The following CDK14 variants were observed in gnomAD, a reference collection of about 807,000 sequenced individuals.
The protein encoded by CDK14 is cyclin-dependent kinase 14.
In CDK14, 34 loss-of-function variants were observed where a neutral mutation model predicts 60.7. That is an observed-to-expected ratio of 0.56 (90% confidence interval 0.43 to 0.75). CDK14 has a LOEUF of 0.75. Among genes scored for constraint, CDK14 ranks in the 30% least tolerant of loss-of-function variants. The pLI is 0.00. For synonymous variants in CDK14, 197 were observed against 203.7 expected, an observed-to-expected ratio of 0.97 and a Z score of 0.28; for missense variants, 482 against 564.1, an observed-to-expected ratio of 0.85 and a Z score of 1.47.
chr7:90,947,131 G>A (rs1338550717), intron 8 of CDK14, among the ~76,000 whole-genome samples: 2 of 152,168 alleles, frequency 1.3e-5, no homozygotes, highest in East Asian at 1.9e-4. Context: ...TCTAGACAGC[G>A]TCAGTCATTC....
At chr7:90,978,289 G>T (rs76829651) in intron 9 of CDK14, among the ~76,000 whole-genome samples, 22,237 of 152,096 alleles carry the variant, frequency 0.15, 1,852 homozygotes, top group Middle Eastern at 0.28. Flanking sequence ...TCACTGCCTC[G>T]AGCCTCTACT....
intron 2 of CDK14, among the ~76,000 whole-genome samples, chr7:90,629,277 C>G (rs1219130103): frequency 6.6e-6 from 1 of 152,158 alleles, no homozygotes; most frequent in Admixed American, 6.6e-5. Flanking sequence ...ACCCCACCAT[C>G]TAAATTAGCA....
Position 90,658,083 on chromosome 7 carries a change from G to A in CDK14, c.123+53834G>A, listed in dbSNP as rs115688427. Among the ~76,000 whole-genome samples the A allele has an allele frequency of 3.6e-3, 545 of 152,182 alleles. 4 individuals are homozygous for A. Among genetic ancestry groups the A allele is most frequent in the African/African-American group, 0.012 (495 of 41,514 alleles). ...TTTCATCACCCTAAAATGAAACCCT[G>A]TGCCTGCTAGCAGTCACTGCTCCTC... On this transcript the variant is annotated intron_variant, in intron 2 of 14. Transcript: ENST00000380050.
chr7:90,886,432 A>G (rs1791948673), intron 6 of CDK14, among the ~76,000 whole-genome samples: 1 of 152,218 alleles, frequency 6.6e-6, no homozygotes, highest in South Asian at 2.1e-4. Flanking sequence ...AAATTTGAGC[A>G]CCAATAACTT....
At chr7:90,893,532 C>T (rs1350225935) in intron 6 of CDK14, among the ~76,000 whole-genome samples, 3 of 152,124 alleles carry the variant, frequency 2.0e-5, no homozygotes, top group African/African-American at 7.2e-5. Context: ...CCAGCAGTGC[C>T]TTTTGGCATC....
At chr7:91,106,220 A>G (rs556266628) in intron 12 of CDK14, among the ~76,000 whole-genome samples, 52 of 152,306 alleles carry the variant, frequency 3.4e-4, no homozygotes, top group African/African-American at 1.2e-3. Flanking sequence ...CAATTGCAGA[A>G]CTCTGAAGAG....
At chr7:90,635,122 A>G (rs1295081923) in intron 2 of CDK14, among the ~76,000 whole-genome samples, 5 of 151,958 alleles carry the variant, frequency 3.3e-5, no homozygotes, top group Non-Finnish European at 5.9e-5. Flanking sequence ...TGCTGTGCAG[A>G]AGCTCTTTAG....
At chr7:90,903,050 C>T (rs1310197471) in intron 7 of CDK14, among the ~76,000 whole-genome samples, 1 of 152,084 alleles carries the variant, frequency 6.6e-6, no homozygotes, top group East Asian at 1.9e-4. Flanking sequence ...CATCTTACCC[C>T]AGTTAGGATG....
chr7:90,915,047 C>A (rs1364159235), intron 7 of CDK14, among the ~76,000 whole-genome samples: 1 of 152,092 alleles, frequency 6.6e-6, no homozygotes, highest in African/African-American at 2.4e-5. Context: ...CAAGGGCTTG[C>A]AGGGGTGGTC....
At chr7:90,663,151 C>T (rs1001693998) in intron 2 of CDK14, among the ~76,000 whole-genome samples, 3 of 151,802 alleles carry the variant, frequency 2.0e-5, no homozygotes, top group African/African-American at 7.3e-5. Flanking sequence ...TCTGTTACCT[C>T]CATGTAGGCC....
intron 5 of CDK14, among the ~76,000 whole-genome samples, chr7:90,820,714 T>C (rs1277536858): frequency 2.6e-5 from 4 of 152,176 alleles, no homozygotes; most frequent in African/African-American, 2.4e-5. Context: ...TTGTCACCTC[T>C]TTGTGCTGAT....
intron 4 of CDK14, among the ~76,000 whole-genome samples, chr7:90,750,899 G>A (rs6973270): frequency 0.013 from 2,026 of 151,914 alleles, 64 homozygotes; most frequent in African/African-American, 0.047. Context: ...AAGAAAAGAA[G>A]AAAACAGTTG....
intron 8 of CDK14, among the ~76,000 whole-genome samples, chr7:90,919,094 C>T (rs1697776221): frequency 6.6e-6 from 1 of 151,900 alleles, no homozygotes; most frequent in African/African-American, 2.4e-5. Flanking sequence ...AGAAGGTTTG[C>T]AGTTTCTCAA....
rs1232742261 is a variant in CDK14 at position 90,878,569 on chromosome 7, A to G, written c.639+15300A>G. ...CTGGAAGATCCATCCTGTGTCCAAG[A>G]CTTACAAAGATTAATTTATAAATGT... On this transcript the variant is annotated intron_variant, in intron 6 of 14. Transcript: ENST00000380050. 3.9e-5 allele frequency among the ~76,000 whole-genome samples: 6 copies of G among 151,904 alleles called. No homozygotes were observed. The East Asian group carries it at 1.2e-3, about 29-fold the overall frequency.
At chr7:90,653,449 A>G (rs750406941) in intron 2 of CDK14, among the ~76,000 whole-genome samples, 1 of 151,482 alleles carries the variant, frequency 6.6e-6, no homozygotes, top group African/African-American at 2.4e-5. Context: ...GTCTCCTTCT[A>G]TCCTTTCCCA....
chr7:90,976,887 G>T (rs1263884046), intron 9 of CDK14, among the ~76,000 whole-genome samples: 11 of 152,104 alleles, frequency 7.2e-5, no homozygotes, highest in African/African-American at 2.7e-4. Flanking sequence ...GTCGGTTGGG[G>T]AGATGGATTT....
intron 12 of CDK14, among the ~76,000 whole-genome samples, chr7:91,111,009 A>G (rs1056766293): frequency 7.2e-5 from 11 of 152,150 alleles, no homozygotes; most frequent in African/African-American, 2.7e-4. Flanking sequence ...GAATTTTGAG[A>G]ATGCTTTCGT....
At chr7:91,064,369 T>A (rs1190896693) in intron 11 of CDK14, among the ~76,000 whole-genome samples, 1 of 152,220 alleles carries the variant, frequency 6.6e-6, no homozygotes, top group Non-Finnish European at 1.5e-5. Flanking sequence ...TAAGTTCACA[T>A]CTCTGCTCTG....
Position 90,747,753 on chromosome 7 carries a change from A to G in CDK14, c.442A>G (p.Thr148Ala). 5 of 1,590,616 alleles carry G rather than the reference A, an allele frequency of 3.1e-6. No homozygotes were observed. The highest frequency in any genetic ancestry group is 2.3e-5 in the East Asian group (1 of 43,570). ...AAAACTAGGGGAAGGATCTTATGCT[A>G]CAGTATACAAAGGGAAAAGCAAGTA... ...LEKLGEGSYA[T>A]VYKGKSKVNG... The change falls in exon 4 of 15, where the codon ACA becomes GCA. Residue 148 changes from threonine (T) to alanine (A), a missense_variant. Transcript: ENST00000380050.
Sources: gnomAD v4.1 joint callset for allele counts (sites outside exome capture counted in the v4.1 genomes callset) on GRCh38, gnomAD v4.1.1 for gene constraint, MANE v1.5 for transcripts, NCBI Gene and HGNC (gene_info 2026-07-23, HGNC 2026-07-21) for gene names.